Variants in RALGPS1 observed in about 807,000 individuals in gnomAD.
RALGPS1 encodes the protein Ral GEF with PH domain and SH3 binding motif 1, also known as ras-specific guanine nucleotide-releasing factor RalGPS1.
A neutral mutation model predicts 78.8 loss-of-function variants in RALGPS1; 19 were observed. The ratio of observed to expected loss-of-function variants is 0.24; its 90% CI spans 0.17 to 0.35. The LOEUF is 0.35. Among genes scored for constraint, RALGPS1 ranks in the 10% least tolerant of loss-of-function variants. The pLI is 1.00. For synonymous variants in RALGPS1, 228 were observed against 256.3 expected (o/e 0.89, Z 1.06); for missense variants, 454 against 688.3 (o/e 0.66, Z 3.81).
intron 10 of RALGPS1, among the ~76,000 whole-genome samples, chr9:127,169,084 G>T (rs879628397): frequency 6.6e-6 from 1 of 152,226 alleles, no homozygotes; most frequent in South Asian, 2.1e-4. Flanking sequence ...CCCACATGGC[G>T]TGGATAATAT....
intron 8 of RALGPS1, among the ~76,000 whole-genome samples, chr9:127,131,097 G>C (rs1317791544): frequency 1.3e-5 from 2 of 152,208 alleles, no homozygotes; most frequent in African/African-American, 4.8e-5. Context: ...GTCTTGAATA[G>C]ACTAGCTTGA....
intron 11 of RALGPS1, chr9:127,178,158 G>C: frequency 1.6e-6 from 1 of 616,572 alleles, no homozygotes. Context: ...TGGGCAGGGA[G>C]GGGGAAGCAG....
At chr9:127,155,851 A>T (rs554872291) in intron 8 of RALGPS1, among the ~76,000 whole-genome samples, 9 of 152,244 alleles carry the variant, frequency 5.9e-5, no homozygotes, top group African/African-American at 2.2e-4. Context: ...TCCCTGCCAA[A>T]AAAGTGTTTG....
At chr9:127,062,936 A>G (rs1220822214) in intron 7 of RALGPS1, among the ~76,000 whole-genome samples, 2 of 152,178 alleles carry the variant, frequency 1.3e-5, no homozygotes, top group Non-Finnish European at 1.5e-5. Flanking sequence ...TACTGATTCC[A>G]TACCTTAGTC....
In RALGPS1 at chr9:127,183,901, AG is replaced by A; in HGVS notation, c.910+9120del. The A allele has an allele frequency of 6.5e-7, 1 of 1,550,118 alleles. No individual in the cohort carries two copies. The highest frequency in any genetic ancestry group is 8.7e-7 in the Non-Finnish European group (1 of 1,146,942). ...TCAGCAGCCTGTCACATCAAGGTCA[AG>A]CAGAAGAGGCAAGACTCAAACCCAC... On this transcript the variant is annotated intron_variant, in intron 11 of 18. Coordinates refer to ENST00000259351, the MANE Select transcript of RALGPS1 (RefSeq NM_014636.3). This position sits in a 1 kb window ranked among gnomAD's most constrained non-coding sequence, Gnocchi z 4.0.
chr9:127,145,834 C>T (rs1353138798), intron 8 of RALGPS1, among the ~76,000 whole-genome samples: 2 of 152,192 alleles, frequency 1.3e-5, no homozygotes, highest in Non-Finnish European at 2.9e-5. Context: ...TCTGACCTTT[C>T]GTTTCCTCAT....
In RALGPS1 at chr9:127,222,488, ATACAAC is replaced by A. The variant is rs1277778056; in HGVS notation, c.*3725_*3730del. 5 of 152,232 alleles carry A rather than the reference ATACAAC, an allele frequency of 3.3e-5. No homozygotes were observed. Among genetic ancestry groups the A allele is most frequent in the Non-Finnish European group, 5.9e-5 (4 of 68,048 alleles). The allele number at this position is 152,232 out of a possible 1,614,324, so 9.4% of individuals were successfully genotyped here. ...TTTCTGTTTTTAATTTCAATGTTAAATACAACTACAATATGAGCGAGAACTGCATTT... is the reference window on the plus strand; with the variant it reads ...TTTCTGTTTTTAATTTCAATGTTAAATACAATATGAGCGAGAACTGCATTT... On this transcript the variant is annotated 3_prime_UTR_variant, in exon 19 of 19. Transcript: ENST00000259351.
At chr9:126,953,212 GTCATAAGCAGAAAAAAGAGA>G (rs2038026122) in intron 1 of RALGPS1, among the ~76,000 whole-genome samples, 1 of 152,138 alleles carries the variant, frequency 6.6e-6, no homozygotes, top group African/African-American at 2.4e-5. Context: ...ACCAGATTCT[GTCATAAGCAGAAAAAAGAGA>G]TGTGGGATTG....
intron 8 of RALGPS1, among the ~76,000 whole-genome samples, chr9:127,102,507 A>G (rs2053838181): frequency 6.6e-6 from 1 of 152,220 alleles, no homozygotes; most frequent in South Asian, 2.1e-4. Flanking sequence ...ATTTTCAGGC[A>G]TCAAGATCCC....
chr9:127,135,518 A>C (rs2057331313), intron 8 of RALGPS1, among the ~76,000 whole-genome samples: 2 of 152,214 alleles, frequency 1.3e-5, no homozygotes, highest in African/African-American at 4.8e-5. Context: ...TTGGCAATGG[A>C]GGAGCCAGGG....
chr9:127,034,797 A>G lies in RALGPS1; in HGVS notation c.300+283A>G, dbSNP rs558323881. Reference sequence around the variant, plus strand: ...CTTAATATGCTTTGCAAGGTTCAGCATGGTGGATCTCGCTTCTGTCCACTC... The same window carrying G: ...CTTAATATGCTTTGCAAGGTTCAGCGTGGTGGATCTCGCTTCTGTCCACTC... On this transcript the variant is annotated intron_variant, in intron 5 of 18. Transcript: ENST00000259351. Among the ~76,000 whole-genome samples the G allele has an allele frequency of 2.6e-5, 4 of 152,270 alleles. No homozygotes were observed. The East Asian group carries it at 5.8e-4, about 22-fold the overall frequency.
At chr9:127,133,692 G>A (rs992930548) in intron 8 of RALGPS1, among the ~76,000 whole-genome samples, 10 of 152,210 alleles carry the variant, frequency 6.6e-5, no homozygotes, top group African/African-American at 2.2e-4. Flanking sequence ...ACCCTAGGGG[G>A]ACCCTCTCCA....
chr9:127,032,958 A>C (rs1459069138), intron 4 of RALGPS1, among the ~76,000 whole-genome samples: 1 of 152,230 alleles, frequency 6.6e-6, no homozygotes, highest in African/African-American at 2.4e-5. Context: ...GTAGAGTCAC[A>C]ATATTCATCC....
At chr9:126,976,168 C>G (rs2040600185) in intron 3 of RALGPS1, among the ~76,000 whole-genome samples, 2 of 152,116 alleles carry the variant, frequency 1.3e-5, no homozygotes, top group Admixed American at 1.3e-4. Flanking sequence ...AACCTCAGTG[C>G]ATGAATATTC....
At chr9:127,156,361 TCTC>T (rs1485950377) in intron 8 of RALGPS1, among the ~76,000 whole-genome samples, 1 of 152,164 alleles carries the variant, frequency 6.6e-6, no homozygotes, top group Non-Finnish European at 1.5e-5. Context: ...ACATCCAAAT[TCTC>T]CTCCCAAAAG....
In RALGPS1 at chr9:127,205,335, C is replaced by T. The variant is rs1431055369; in HGVS notation, c.1247+6269C>T. On this transcript the variant is annotated intron_variant, in intron 14 of 18. Transcript: ENST00000259351. This position sits in a 1 kb window ranked among gnomAD's most constrained non-coding sequence, Gnocchi z 4.0. The stretch of plus-strand genomic sequence containing the variant: ...GGTGGCAGCCCAGTTAGAAAATTTG[C>T]CAGCTTCTGATTTGGGTTTCCCTCC... Among the ~76,000 whole-genome samples the T allele has an allele frequency of 6.6e-6, 1 of 152,208 alleles. No individual in the cohort carries two copies. Among genetic ancestry groups the T allele is most frequent in the Admixed American group, 6.5e-5 (1 of 15,286 alleles).
chr9:127,127,391 A>G (rs889665269), intron 8 of RALGPS1, among the ~76,000 whole-genome samples: 1 of 152,206 alleles, frequency 6.6e-6, no homozygotes, highest in Non-Finnish European at 1.5e-5. Context: ...CATTTCAGGA[A>G]CTGGAACTCC....
At chr9:126,978,307 C>CA (rs56411548) in intron 4 of RALGPS1, 53,771 of 135,974 alleles carry the variant, frequency 0.4, 11,360 homozygotes, top group Non-Finnish European at 0.49. Context: ...TAGTGAGTGT[C>CA]AAAAAAAAAA....
In RALGPS1 at chr9:126,976,313, T is replaced by TCA. The variant is rs33925120; in HGVS notation, c.166-1364_166-1363dup. On this transcript the variant is annotated intron_variant, in intron 3 of 18. Transcript: ENST00000259351. ...ACCCCCTTACACTCAACACTCATTC[T>TCA]CACACACACACACACACACTTTCAT... 5.2e-3 allele frequency among the ~76,000 whole-genome samples: 785 copies of TCA among 150,450 alleles called. 5 individuals carry two copies. Among genetic ancestry groups the TCA allele is most frequent in the African/African-American group, 9.3e-3 (380 of 40,878 alleles).
Sources: gnomAD v4.1 joint callset for allele counts (sites outside exome capture counted in the v4.1 genomes callset) on GRCh38, gnomAD v4.1.1 for gene constraint, Gnocchi (gnomAD v3.1) non-coding constraint, MANE v1.5 for transcripts, NCBI Gene and HGNC (gene_info 2026-07-23, HGNC 2026-07-21) for gene names.